The following AGFG1 variants were observed in gnomAD, a reference collection of about 807,000 sequenced individuals.
AGFG1 encodes the protein ArfGAP with FG repeats 1.
AGFG1 carries 10 observed loss-of-function variants against 60.6 expected under a neutral mutation model. The ratio of observed to expected loss-of-function variants is 0.16; its 90% CI spans 0.10 to 0.28. The LOEUF (loss-of-function observed/expected upper bound fraction) is 0.28. AGFG1 is among the 10% of genes least tolerant of loss of function. The probability of loss-of-function intolerance (pLI) is 1.00; values close to 1 mark genes in which losing one functional copy is unlikely to be tolerated. For synonymous variants in AGFG1, 247 were observed against 242.9 expected (o/e 1.02, Z -0.16); for missense variants, 537 against 676.5 (o/e 0.79, Z 2.29).
Position 227,559,627 on chromosome 2 carries a change from C to T in AGFG1, c.*5132C>T, listed in dbSNP as rs1693079957. 6.6e-6 allele frequency: 1 copy of T among 151,964 alleles called. No individual in the cohort carries two copies. Among genetic ancestry groups the T allele is most frequent in the South Asian group, 2.1e-4 (1 of 4,822 alleles). The allele number at this position is 151,964 out of a possible 1,614,324, so 9.4% of individuals were successfully genotyped here. A position where few individuals can be genotyped will look rare whatever the true frequency, so the allele number is the denominator to read the frequency against. The stretch of plus-strand genomic sequence containing the variant: ...AATATTTTAGATGGTGATTAAAATG[C>T]CCATAGATTAATTTTTTAATCGGTT... On this transcript the variant is annotated 3_prime_UTR_variant, in exon 13 of 13. Transcript: ENST00000310078.
chr2:227,524,918 A>G lies in AGFG1; in HGVS notation c.694+3A>G. On this transcript the variant is annotated splice_donor_region_variant and intron_variant, in intron 5 of 12. Transcript: ENST00000310078. Reference sequence around the variant, plus strand: ...TGCACATTTCAACAGTCATGCAGGTAAGTGTTTTTTCCCAACAGCTTTTGC... The same window carrying G: ...TGCACATTTCAACAGTCATGCAGGTGAGTGTTTTTTCCCAACAGCTTTTGC... 1.2e-6 allele frequency: 2 copies of G among 1,613,850 alleles called. No individual in the cohort carries two copies. The highest frequency in any genetic ancestry group is 1.7e-6 in the Non-Finnish European group (2 of 1,179,744).
intron 2 of AGFG1, among the ~76,000 whole-genome samples, chr2:227,519,684 GCCAAGACTGAAAAGACC>G (rs143232950): frequency 0.014 from 2,091 of 152,224 alleles, 51 homozygotes; most frequent in African/African-American, 0.048. Flanking sequence ...TTATGATTAT[GCCAAGACTGAAAAGACC>G]CCAGGTCCTC....
Position 227,534,855 on chromosome 2 carries a change from G to C in AGFG1, c.1035G>C (p.Gln345His). Residue 345 changes from glutamine (Q) to histidine (H), a missense_variant, in exon 8 of 13, where the codon CAG (glutamine) becomes CAC (histidine). By Grantham distance (24) the Gln-to-His change is conservative. Transcript: ENST00000310078. Reference sequence around the variant, plus strand: ...TTTGTTCGTTCCCAGGTGGTGATCAGGGAAGTGGCTTTGGGACCACAGGTA... The same window carrying C: ...TTTGTTCGTTCCCAGGTGGTGATCACGGAAGTGGCTTTGGGACCACAGGTA... ...NIFSAGQGGD[Q>H]GSGFGTTGKA... 6.2e-7 allele frequency: 1 copy of C among 1,613,398 alleles called. No homozygotes were observed. Among genetic ancestry groups the C allele is most frequent in the Non-Finnish European group, 8.5e-7 (1 of 1,179,600 alleles).
chr2:227,526,776 T>G (rs1049370288), intron 5 of AGFG1, among the ~76,000 whole-genome samples: 1 of 152,032 alleles, frequency 6.6e-6, no homozygotes, highest in Admixed American at 6.6e-5. Context: ...ACTCCTGACC[T>G]CAGGTGTTCC....
chr2:227,519,042 T>C (rs566770636), intron 2 of AGFG1, among the ~76,000 whole-genome samples: 8 of 152,270 alleles, frequency 5.3e-5, no homozygotes, highest in Non-Finnish European at 7.4e-5. Context: ...CCTGTGGTGC[T>C]GCACTCCTGT....
chr2:227,497,501 C>G (rs1691008361), intron 2 of AGFG1, among the ~76,000 whole-genome samples: 1 of 151,668 alleles, frequency 6.6e-6, no homozygotes, highest in African/African-American at 2.4e-5. Context: ...GTTTTTATAC[C>G]TCAGATACTA....
At chr2:227,523,627 G>A (rs1177767561) in intron 3 of AGFG1, 136 bp from the exon 4 acceptor site, 7 of 788,286 alleles carry the variant, frequency 8.9e-6, no homozygotes, top group Non-Finnish European at 1.4e-5. Context: ...AATATGCAAA[G>A]TTATTCTGTG....
Position 227,552,019 on chromosome 2 carries a change from A to G in AGFG1, c.1439A>G (p.Tyr480Cys). ...MPTGFGTPAP[Y>C]SLPTSFSGSF... Reference sequence around the variant, plus strand: ...ACAGGATTCGGCACTCCTGCTCCCTACAGTCTTCCCACCAGCTTTAGTGGC... The same window carrying G: ...ACAGGATTCGGCACTCCTGCTCCCTGCAGTCTTCCCACCAGCTTTAGTGGC... Residue 480 changes from tyrosine (Y) to cysteine (C), a missense_variant, in exon 11 of 13, where the codon TAC becomes TGC. Coordinates refer to ENST00000310078, the MANE Select transcript of AGFG1 (RefSeq NM_004504.5). 3.1e-6 allele frequency: 5 copies of G among 1,614,134 alleles called. No homozygotes were observed. Among genetic ancestry groups the G allele is most frequent in the Non-Finnish European group, 4.2e-6 (5 of 1,180,018 alleles).
rs923523988 is a variant in AGFG1 at position 227,557,698 on chromosome 2, A to C, written c.*3203A>C. 1.3e-5 allele frequency: 2 copies of C among 152,198 alleles called. No individual in the cohort carries two copies. The highest frequency in any genetic ancestry group is 2.9e-5 in the Non-Finnish European group (2 of 68,022). 9.4% of individuals were successfully genotyped at this position (152,198 alleles called of 1,614,324 possible). On this transcript the variant is annotated 3_prime_UTR_variant, in exon 13 of 13. Transcript: ENST00000310078. ...AACAAAAACTAATGAGAACAGGAACATTGTTTTACATTTTATGCATTTAAA... is the reference window on the plus strand; with the variant it reads ...AACAAAAACTAATGAGAACAGGAACCTTGTTTTACATTTTATGCATTTAAA...
intron 1 of AGFG1, among the ~76,000 whole-genome samples, chr2:227,483,487 C>T (rs1690529584): frequency 6.6e-6 from 1 of 152,032 alleles, no homozygotes; most frequent in Admixed American, 6.5e-5. Flanking sequence ...AACTTTTAGC[C>T]CTTGTTTTTA....
At position 227,521,551 on chromosome 2, in the gene AGFG1, G is replaced by A. The variant is rs146139338; in HGVS notation, c.377+1488G>A. On this transcript the variant is annotated intron_variant, in intron 3 of 12. Coordinates refer to ENST00000310078, the MANE Select transcript of AGFG1 (RefSeq NM_004504.5). ...ATAAATGATTCTTTTAAAATGAAAG[G>A]TATAATTATCCTTTTATCATTTTGG... Among the ~76,000 whole-genome samples the A allele has an allele frequency of 5.9e-5, 9 of 152,278 alleles. No individual in the cohort carries two copies. In the East Asian group the frequency reaches 1.5e-3, roughly 26 times the overall value.
intron 1 of AGFG1, among the ~76,000 whole-genome samples, chr2:227,477,491 A>G (rs537895573): frequency 1.8e-3 from 274 of 152,330 alleles, no homozygotes; most frequent in African/African-American, 6.1e-3. Flanking sequence ...TCCACCACCA[A>G]AGAATGTATG....
At chr2:227,484,688 G>GTTTTTTTTTTTTTTTTTTTTTTTTT (rs745570416) in intron 1 of AGFG1, among the ~76,000 whole-genome samples, 9 of 25,082 alleles carry the variant, frequency 3.6e-4, no homozygotes, top group African/African-American at 1.0e-3. Context: ...TTTTTTTTTT[G>GTTTTTTTTTTTTTTTTTTTTTTTTT]TTTTTTTTTT....
chr2:227,536,984 G>A lies in AGFG1; in HGVS notation c.1369G>A (p.Gly457Arg), dbSNP rs1312577679. 1 of 1,612,350 alleles carries A rather than the reference G, an allele frequency of 6.2e-7. No homozygotes were observed. Among genetic ancestry groups the A allele is most frequent in the Non-Finnish European group, 8.5e-7 (1 of 1,178,954 alleles). Residue 457 changes from glycine to arginine, a missense_variant, in exon 10 of 13, where the codon GGA becomes AGA. Physicochemically the swap from Gly to Arg is moderately radical, Grantham distance 125. This residue lies in a region of AGFG1 where 287 missense variants were observed against 343.6 expected (regional missense o/e 0.84). Transcript: ENST00000310078. ...AAACCCATTTCAGACCAATGCCAGA[G>A]GAGCAACAGGTAAGAAAAAGAGACA... Reference protein sequence around the residue: ...STNPFQTNARGATAATFGTAS... With the variant: ...STNPFQTNARRATAATFGTAS...
chr2:227,527,370 CAT>C (rs1181720101), intron 5 of AGFG1, among the ~76,000 whole-genome samples: 2 of 152,192 alleles, frequency 1.3e-5, no homozygotes, highest in African/African-American at 4.8e-5. Context: ...TACGTATACA[CAT>C]ATACACTTAT....
intron 12 of AGFG1, 98 bp downstream of exon 12, chr2:227,553,893 T>G: frequency 1.2e-6 from 1 of 865,060 alleles, no homozygotes; most frequent in East Asian, 2.7e-5. Context: ...GTATTTGGTG[T>G]TATATTGATA....
intron 10 of AGFG1, among the ~76,000 whole-genome samples, chr2:227,544,904 T>G (rs1692598933): frequency 6.6e-6 from 1 of 152,188 alleles, no homozygotes; most frequent in African/African-American, 2.4e-5. Context: ...TTTCCTTCAT[T>G]TCAAGCTTGG....
chr2:227,496,342 T>A (rs776686043), intron 2 of AGFG1, among the ~76,000 whole-genome samples: 4 of 151,584 alleles, frequency 2.6e-5, no homozygotes, highest in Non-Finnish European at 4.4e-5. Flanking sequence ...ATAAATTACC[T>A]ACTGTGGGAG....
intron 10 of AGFG1, among the ~76,000 whole-genome samples, chr2:227,549,094 A>C (rs1315732365): frequency 1.3e-5 from 2 of 151,828 alleles, no homozygotes; most frequent in African/African-American, 4.8e-5. Context: ...ATTGCAAAGC[A>C]CTCTAATTCG....
Sources: allele counts gnomAD v4.1 joint callset (sites outside exome capture counted in the v4.1 genomes callset), GRCh38; gene constraint gnomAD v4.1.1; regional missense constraint gnomAD v4.1.1; transcripts MANE v1.5; gene names NCBI Gene and HGNC (gene_info 2026-07-23, HGNC 2026-07-21).